Variants in SLX4 observed in about 807,000 individuals in gnomAD.
SLX4 encodes the protein SLX4 structure-specific endonuclease subunit, also known as structure-specific endonuclease subunit SLX4.
In SLX4, 112 loss-of-function variants were observed where a neutral mutation model predicts 146.2. That is an observed-to-expected ratio of 0.77 (90% CI 0.66 to 0.90). The LOEUF is 0.90. SLX4 is among the 40% of genes least tolerant of loss of function. SLX4 has a pLI of 0.00. For synonymous variants in SLX4, 1,061 were observed against 997.7 expected, an observed-to-expected ratio of 1.06 and a Z score of -1.20; for missense variants, 2,563 against 2,392.7, an observed-to-expected ratio of 1.07 and a Z score of -1.49.
chr16:3,606,475 A>G lies in SLX4; in HGVS notation c.759T>C (p.Asn253=), dbSNP rs747981503. 1 of 1,614,068 alleles carries G rather than the reference A, an allele frequency of 6.2e-7. No individual in the cohort carries two copies. Among genetic ancestry groups the G allele is most frequent in the Non-Finnish European group, 8.5e-7 (1 of 1,179,966 alleles). ...KDPQEEMMAG[N]VYGLGPPAPE... ...AAGACAGAAACACACTCATCATACC[A>G]TTCCCCGCCATCATCTCCTCTTGAG... The change falls in exon 3 of 15, where the codon AAT becomes AAC. Residue 253 remains asparagine, a splice_region_variant and synonymous_variant. Coordinates refer to ENST00000294008, the MANE Select transcript of SLX4 (RefSeq NM_032444.4).
intron 14 of SLX4, among the ~76,000 whole-genome samples, 174 bp from the exon 15 acceptor site, chr16:3,582,867 T>A (rs2040456692): frequency 6.6e-6 from 1 of 152,122 alleles, no homozygotes; most frequent in African/African-American, 2.4e-5. Flanking sequence ...GCCAGCGGGA[T>A]CCTGCCCCAG....
chr16:3,592,601 T>A, intron 11 of SLX4, 98 bp downstream of exon 11: 1 of 1,389,100 alleles, frequency 7.2e-7, no homozygotes, highest in Non-Finnish European at 1.0e-6. Context: ...GTTAGTTCTC[T>A]TGGCCTCAGC....
rs1194376697 is a variant in SLX4, at chr16:3,608,873, GA to G, written c.91del (p.Ser31LeufsTer13). Reference protein sequence around the residue: ...SACPGIDPRSSEDQPESLKTG... With the variant: ...SACPGIDPRSXEDQPESLKTG... ...TTTAAGGCTTTCAGGCTGGTCTTCA[GA>G]GGAGCGAGGGTCAATCCCAGGACAG... On this transcript the variant is annotated frameshift_variant, in exon 2 of 15. Coordinates refer to ENST00000294008, the MANE Select transcript of SLX4 (RefSeq NM_032444.4). LOFTEE classifies it high-confidence loss of function. 1.2e-6 allele frequency: 2 copies of G among 1,614,166 alleles called. No individual in the cohort carries two copies. Among genetic ancestry groups the G allele is most frequent in the African/African-American group, 2.7e-5 (2 of 75,024 alleles).
intron 10 of SLX4, 66 bp from the exon 11 acceptor site, chr16:3,592,931 G>A (rs922333234): frequency 1.2e-5 from 18 of 1,498,826 alleles, no homozygotes; most frequent in African/African-American, 5.6e-5. Context: ...CAAAGCAGAC[G>A]GTCTGGGGTG....
rs751763192 is a variant in SLX4 at position 3,583,379 on chromosome 16, G to A, written c.4871C>T (p.Pro1624Leu). Residue 1624 changes from proline (P) to leucine (L), a missense_variant, in exon 14 of 15, where the codon CCT becomes CTT. Pro to Leu is a moderately conservative substitution (Grantham distance 98). Coordinates refer to ENST00000294008, the MANE Select transcript of SLX4 (RefSeq NM_032444.4). ...SQSSQPLLQA[P>L]HCQTLASQTY... ...CTGGGAGGCGAGGGTCTGGCAGTGA[G>A]GCGCCTGCAACAGCGGCTGTGAGGA... 1.5e-5 allele frequency: 24 copies of A among 1,613,052 alleles called. No individual in the cohort carries two copies. The highest frequency in any genetic ancestry group is 2.0e-5 in the Non-Finnish European group (23 of 1,179,222).
chr16:3,602,246 C>A lies in SLX4; in HGVS notation c.822G>T (p.Gln274His), dbSNP rs1367038373. 6.2e-7 allele frequency: 1 copy of A among 1,614,212 alleles called. No individual in the cohort carries two copies. Among genetic ancestry groups the A allele is most frequent in the East Asian group, 2.2e-5 (1 of 44,888 alleles). ...SDAAVALTLQ[Q>H]EFARVGASAH... is the part of the protein sequence containing the mutation. ...CCGATGCTCCTACCCGTGCAAACTC[C>A]TGCTGCAGGGTCAAGGCCACCGCAG... is the stretch of plus-strand genomic sequence containing the variant. The change falls in exon 4 of 15, where the codon CAG (glutamine) becomes CAT (histidine). Residue 274 changes from glutamine to histidine, a missense_variant. Physicochemically the swap from Gln to His is conservative, Grantham distance 24. Coordinates refer to ENST00000294008, the MANE Select transcript of SLX4 (RefSeq NM_032444.4).
Position 3,590,217 on chromosome 16 carries a change from A to G in SLX4, c.3421T>C (p.Ser1141Pro). ...PDHSSSRSQK[S>P]SSKLNEEDEV... ...TCTTCTTCGTTCAGTTTGGATGAAG[A>G]TTTCTGAGATCTGGAGCTCGAATGG... The change falls in exon 12 of 15, where the codon TCT (serine) becomes CCT (proline). Residue 1141 changes from serine to proline, a missense_variant. Coordinates refer to ENST00000294008, the MANE Select transcript of SLX4 (RefSeq NM_032444.4). This position sits in a 1 kb window ranked among gnomAD's most constrained non-coding sequence, Gnocchi z 4.8. The G allele has an allele frequency of 1.9e-6, 3 of 1,614,162 alleles. No homozygotes were observed. The highest frequency in any genetic ancestry group is 2.5e-6 in the Non-Finnish European group (3 of 1,180,032).
Position 3,589,959 on chromosome 16 carries a change from C to T in SLX4, c.3679G>A (p.Gly1227Ser), listed in dbSNP as rs1567169869. 1 of 1,613,890 alleles carries T rather than the reference C, an allele frequency of 6.2e-7. No individual in the cohort carries two copies. The highest frequency in any genetic ancestry group is 1.1e-5 in the South Asian group (1 of 91,066). ...EDEGALPENR[G>S]SLGRRGAPWL... is the part of the protein sequence containing the mutation. ...GGAGCCCCTCTCCTGCCCAAAGAGC[C>T]CCGATTCTCCGGCAGCGCCCCCTCA... The change falls in exon 12 of 15, where the codon GGC becomes AGC. Residue 1227 changes from glycine to serine, a missense_variant. By Grantham distance (56) the Gly-to-Ser change is moderately conservative. Coordinates refer to ENST00000294008, the MANE Select transcript of SLX4 (RefSeq NM_032444.4). The surrounding 1 kb of genome is among the most constrained non-coding windows in gnomAD (Gnocchi z 6.2).
chr16:3,592,613 C>A, intron 11 of SLX4, 86 bp downstream of exon 11: 2 of 1,482,098 alleles, frequency 1.3e-6, no homozygotes, highest in Non-Finnish European at 1.8e-6. Flanking sequence ...GGCCTCAGCC[C>A]CGAGCCCTCT....
At chr16:3,607,813 C>G (rs2040803917) in intron 2 of SLX4, among the ~76,000 whole-genome samples, 1 of 152,242 alleles carries the variant, frequency 6.6e-6, no homozygotes. Context: ...TCATGCGGCC[C>G]TCTCAGCAGC....
rs765188808 is a variant in SLX4 at position 3,608,467 on chromosome 16, T to C, written c.498A>G (p.Gln166=). Reference sequence around the variant, plus strand: ...CTCTGGAAAGGTTTGGCGATGGTTCTTGCTGGTTACCCGTCTGGGTGTTTT... The same window carrying C: ...CTCTGGAAAGGTTTGGCGATGGTTCCTGCTGGTTACCCGTCTGGGTGTTTT... ...TAQNTQTGNQ[Q]EPSPNLSREK... The change falls in exon 2 of 15, where the codon CAA becomes CAG. Residue 166 remains glutamine, a synonymous_variant. Transcript: ENST00000294008. The C allele has an allele frequency of 9.9e-6, 16 of 1,614,106 alleles. No homozygotes were observed. Among genetic ancestry groups the C allele is most frequent in the Non-Finnish European group, 8.5e-7 (1 of 1,180,062 alleles).
chr16:3,596,180 C>CAT lies in SLX4; in HGVS notation c.1896_1897insAT (p.Gly633MetfsTer21), dbSNP rs2040653024. The CAT allele has an allele frequency of 6.4e-7, 1 of 1,551,840 alleles. No individual in the cohort carries two copies. Among genetic ancestry groups the CAT allele is most frequent in the Non-Finnish European group, 8.7e-7 (1 of 1,150,278 alleles). On this transcript the variant is annotated frameshift_variant, in exon 8 of 15. Coordinates refer to ENST00000294008, the MANE Select transcript of SLX4 (RefSeq NM_032444.4). LOFTEE classifies it high-confidence loss of function. The stretch of plus-strand genomic sequence containing the variant: ...GCAGTCCCTTCCGAGCCAGCCAGGC[C>CAT]CCCACTGCCGGGCCACGGGCTGGCG...
In SLX4 at chr16:3,597,472, C is replaced by G; in HGVS notation, c.1590G>C (p.Leu530=). The G allele has an allele frequency of 6.2e-7, 1 of 1,613,918 alleles. No homozygotes were observed. The highest frequency in any genetic ancestry group is 8.5e-7 in the Non-Finnish European group (1 of 1,179,986). The change falls in exon 7 of 15, where the codon CTG becomes CTC. Residue 530 remains leucine, a synonymous_variant. Coordinates refer to ENST00000294008, the MANE Select transcript of SLX4 (RefSeq NM_032444.4). This position sits in a 1 kb window ranked among gnomAD's most constrained non-coding sequence, Gnocchi z 4.4. ...CCCCAGTCAGTGCGCTGCCCTCCCA[C>G]AGAAAGCTCTGCTTGCGTTCAGGTG... The part of the protein sequence containing the change: ...PPPPERKQSF[L]WEGSALTGAW...
At chr16:3,596,493 TAC>T in intron 7 of SLX4, 100 bp from the exon 8 acceptor site, 5 of 1,380,920 alleles carry the variant, frequency 3.6e-6, no homozygotes, top group Non-Finnish European at 4.8e-6. Flanking sequence ...GACCTAAAAC[TAC>T]AGAGCAGGAT....
rs112748917 is a variant in SLX4 at position 3,589,996 on chromosome 16, C to A, written c.3642G>T (p.Leu1214=). 5 of 1,614,106 alleles carry A rather than the reference C, an allele frequency of 3.1e-6. No individual in the cohort carries two copies. In the East Asian group the frequency reaches 1.1e-4, roughly 36 times the overall value. ...GCAGCGCCCCCTCATCCTCCTGCTG[C>A]AGCACAGCTTCGCTTCTTGGTGGGC... The part of the protein sequence containing the change: ...SQSPPRSEAV[L]QQEDEGALPE... The change falls in exon 12 of 15, where the codon CTG becomes CTT. Residue 1214 remains leucine (L), a synonymous_variant. Transcript: ENST00000294008. The surrounding 1 kb of genome is among the most constrained non-coding windows in gnomAD (Gnocchi z 6.2).
chr16:3,597,944 G>C lies in SLX4; in HGVS notation c.1219C>G (p.Pro407Ala). The C allele has an allele frequency of 6.2e-7, 1 of 1,614,166 alleles. No individual in the cohort carries two copies. The highest frequency in any genetic ancestry group is 1.1e-5 in the South Asian group (1 of 91,088). ...TCGTCCACCTTCCGCCTCTTCCGTGGCTCCTTCTTGCTGGTGGGTCCTCTC... is the reference window on the plus strand; with the variant it reads ...TCGTCCACCTTCCGCCTCTTCCGTGCCTCCTTCTTGCTGGTGGGTCCTCTC... ...KRRGPTSKKEPRKRRKVDEAP... is the reference protein window; with the variant it reads ...KRRGPTSKKEARKRRKVDEAP... The change falls in exon 6 of 15, where the codon CCA becomes GCA. Residue 407 changes from proline to alanine, a missense_variant. Coordinates refer to ENST00000294008, the MANE Select transcript of SLX4 (RefSeq NM_032444.4). The surrounding 1 kb of genome is among the most constrained non-coding windows in gnomAD (Gnocchi z 4.4).
intron 4 of SLX4, 85 bp downstream of exon 4, chr16:3,602,033 G>A (rs1243733853): frequency 5.3e-6 from 8 of 1,514,598 alleles, no homozygotes; most frequent in Non-Finnish European, 7.3e-6. Context: ...TCATGGTAAG[G>A]TGTGGAGATC....
Position 3,608,735 on chromosome 16 carries a change from T to C in SLX4, c.230A>G (p.Gln77Arg), listed in dbSNP as rs147458405. 1.2e-6 allele frequency: 2 copies of C among 1,614,120 alleles called. No homozygotes were observed. The highest frequency in any genetic ancestry group is 2.7e-5 in the African/African-American group (2 of 74,940). ...CTGAGTGCCGTTTGAGGCAGCCTTT[T>C]GTGTCTTCCTTTCTCCTGACACTTC... ...IKEVSGERKT[Q>R]KAASNGTQIR... Residue 77 changes from glutamine to arginine, a missense_variant, in exon 2 of 15, where the codon CAA (glutamine) becomes CGA (arginine). Coordinates refer to ENST00000294008, the MANE Select transcript of SLX4 (RefSeq NM_032444.4).
Position 3,590,477 on chromosome 16 carries a change from G to T in SLX4, c.3161C>A (p.Ser1054Ter), listed in dbSNP as rs373091194. Residue 1054 changes from serine (S) to a stop codon, truncating the protein, a stop_gained, in exon 12 of 15, where the codon TCG (serine) becomes TAG (stop). Coordinates refer to ENST00000294008, the MANE Select transcript of SLX4 (RefSeq NM_032444.4). LOFTEE classifies it high-confidence loss of function. This position sits in a 1 kb window ranked among gnomAD's most constrained non-coding sequence, Gnocchi z 4.8. ...ACGGGACCGGGGTGTTGACAGGGAC[G>T]ACCCACTTGTGTGATGAGACCCGCG... ...SPRGSHHTSG[S>*]SLSTPRSRGG... The T allele has an allele frequency of 1.2e-6, 2 of 1,613,964 alleles. No homozygotes were observed. Among genetic ancestry groups the T allele is most frequent in the Non-Finnish European group, 1.7e-6 (2 of 1,179,982 alleles).
Sources: allele counts gnomAD v4.1 joint callset (sites outside exome capture counted in the v4.1 genomes callset), GRCh38; gene constraint gnomAD v4.1.1; non-coding constraint Gnocchi (gnomAD v3.1); transcripts MANE v1.5; gene names NCBI Gene and HGNC (gene_info 2026-07-23, HGNC 2026-07-21).